CEP164: variants seen among roughly 807,000 people sequenced by gnomAD.
CEP164 encodes centrosomal protein 164, also known as centrosomal protein of 164 kDa.
Under a neutral mutation model 182.7 loss-of-function variants are expected in CEP164, and 162 were observed. The ratio of observed to expected loss-of-function variants is 0.89; its 90% confidence interval spans 0.78 to 1.01. The LOEUF (loss-of-function observed/expected upper bound fraction) is 1.01. CEP164 is among the 50% of genes least tolerant of loss of function. The pLI is 0.00. For synonymous variants in CEP164, 661 were observed against 690.0 expected (o/e 0.96, Z 0.66); for missense variants, 1,735 against 1,790.4 (o/e 0.97, Z 0.56).
At chr11:117,380,402 A>G (rs2043191335) in intron 11 of CEP164, among the ~76,000 whole-genome samples, 1 of 152,092 alleles carries the variant, frequency 6.6e-6, no homozygotes, top group Admixed American at 6.6e-5. Flanking sequence ...CCAGGCCTCA[A>G]GGCTGACCCA....
At chr11:117,396,517 C>CA (rs2045489334) in intron 25 of CEP164, 33 bp from the exon 26 acceptor site, 1 of 1,583,938 alleles carries the variant, frequency 6.3e-7, no homozygotes, top group African/African-American at 1.3e-5. Context: ...GCTTTTGCTA[C>CA]ACTCAGTGGA....
intron 4 of CEP164, among the ~76,000 whole-genome samples, chr11:117,350,466 A>G (rs887861426): frequency 6.6e-6 from 1 of 152,128 alleles, no homozygotes; most frequent in Non-Finnish European, 1.5e-5. Flanking sequence ...GTGAAGTAGC[A>G]TTTCATAATA....
At chr11:117,357,848 A>G (rs1177460037) in intron 5 of CEP164, among the ~76,000 whole-genome samples, 4 of 152,178 alleles carry the variant, frequency 2.6e-5, no homozygotes, top group African/African-American at 9.7e-5. Context: ...AGGCTTGTGT[A>G]GACCATATTT....
intron 14 of CEP164, among the ~76,000 whole-genome samples, chr11:117,384,257 G>C (rs2043683199): frequency 6.6e-6 from 1 of 152,218 alleles, no homozygotes; most frequent in East Asian, 1.9e-4. Flanking sequence ...TACTCACTGA[G>C]AGCTGGCAGG....
At chr11:117,356,423 G>A (rs1360028831) in intron 5 of CEP164, 3 of 1,237,596 alleles carry the variant, frequency 2.4e-6, no homozygotes, top group Non-Finnish European at 1.0e-6. Flanking sequence ...CATGGAGAGG[G>A]ACTCGAGGTT....
intron 27 of CEP164, among the ~76,000 whole-genome samples, chr11:117,398,482 C>G (rs1187568468): frequency 6.6e-6 from 1 of 152,228 alleles, no homozygotes; most frequent in African/African-American, 2.4e-5. Flanking sequence ...TGTGGGGGCT[C>G]TGACCCCACA....
rs1679319444 is a variant in CEP164, at chr11:117,347,048, C to T, written c.194+2771C>T. Among the ~76,000 whole-genome samples the T allele has an allele frequency of 2.0e-5, 3 of 152,206 alleles. No homozygotes were observed. In the South Asian group the frequency reaches 6.2e-4, roughly 32 times the overall value. Reference sequence around the variant, plus strand: ...ACAATGGTTTGGTTTTAAACATAAGCACTTTATTATATACACTGTTCTTCT... The same window carrying T: ...ACAATGGTTTGGTTTTAAACATAAGTACTTTATTATATACACTGTTCTTCT... On this transcript the variant is annotated intron_variant, in intron 4 of 32. Transcript: ENST00000278935.
At position 117,380,701 on chromosome 11, in the gene CEP164, G is replaced by A. The variant is rs1277054937; in HGVS notation, c.1405G>A (p.Glu469Lys). 1 of 1,602,324 alleles carries A rather than the reference G, an allele frequency of 6.2e-7. No individual in the cohort carries two copies. Among genetic ancestry groups the A allele is most frequent in the Non-Finnish European group, 8.5e-7 (1 of 1,174,666 alleles). The change falls in exon 12 of 33, where the codon GAG becomes AAG. Residue 469 changes from glutamate to lysine, a missense_variant. Coordinates refer to ENST00000278935, the MANE Select transcript of CEP164 (RefSeq NM_014956.5). ...LQSKQSKGLE[E>K]RLSPPLPHEE... ...GAGCAAGCAGTCCAAAGGCCTGGAGGAGAGGTACCATAGGTGGGAGGCTAT... is the reference window on the plus strand; with the variant it reads ...GAGCAAGCAGTCCAAAGGCCTGGAGAAGAGGTACCATAGGTGGGAGGCTAT...
At chr11:117,379,811 T>TG (rs1411283977) in intron 11 of CEP164, among the ~76,000 whole-genome samples, 2 of 150,352 alleles carry the variant, frequency 1.3e-5, no homozygotes. Context: ...CCCTCCAGGC[T>TG]GGGTGACAAA....
intron 1 of CEP164, among the ~76,000 whole-genome samples, chr11:117,330,328 C>T (rs975363375): frequency 3.3e-5 from 5 of 152,178 alleles, no homozygotes; most frequent in African/African-American, 7.2e-5. Flanking sequence ...AGCCCTAACA[C>T]GTCGCACAAT....
rs777251114 is a variant in CEP164, at chr11:117,333,928, G to T, written c.-97-1677G>T. ...CCAACTGTGCTGCTTCTTGCCTCGT[G>T]TTGCCTTCTGCTGAAGGACTTTTGC... On this transcript the variant is annotated intron_variant, in intron 1 of 32. Coordinates refer to ENST00000278935, the MANE Select transcript of CEP164 (RefSeq NM_014956.5). Among the ~76,000 whole-genome samples, 38 of 152,328 alleles carry T rather than the reference G, an allele frequency of 2.5e-4. No homozygotes were observed. The South Asian group carries it at 3.5e-3, about 14-fold the overall frequency.
intron 3 of CEP164, among the ~76,000 whole-genome samples, chr11:117,339,522 G>GT (rs61258101): frequency 3.1e-3 from 174 of 56,122 alleles, no homozygotes; most frequent in East Asian, 5.2e-3. Context: ...TTTGTTTTTT[G>GT]TTTTTTTTTT....
At chr11:117,351,649 A>G in intron 4 of CEP164, 141 bp from the exon 5 acceptor site, 2 of 702,914 alleles carry the variant, frequency 2.8e-6, no homozygotes, top group Non-Finnish European at 4.8e-6. Flanking sequence ...AACCCCTCTC[A>G]TTCCATCTTC....
intron 3 of CEP164, among the ~76,000 whole-genome samples, chr11:117,343,386 C>A (rs919643828): frequency 1.3e-5 from 2 of 152,194 alleles, no homozygotes; most frequent in African/African-American, 4.8e-5. Flanking sequence ...CACGTGTCAC[C>A]TGGGTTGTAC....
intron 8 of CEP164, among the ~76,000 whole-genome samples, chr11:117,365,340 A>G (rs1025453450): frequency 2.0e-5 from 3 of 152,194 alleles, no homozygotes; most frequent in African/African-American, 7.2e-5. Flanking sequence ...TGAATGAGCC[A>G]CCTCGGGACA....
chr11:117,392,381 C>CCT lies in CEP164; in HGVS notation c.2361+86_2361+87dup. 1.9e-6 allele frequency: 3 copies of CCT among 1,565,500 alleles called. No individual in the cohort carries two copies. In the South Asian group the frequency reaches 3.6e-5, roughly 19 times the overall value. On this transcript the variant is annotated intron_variant, in intron 18 of 32. Transcript: ENST00000278935. ...CCATCCCTGGCTACTAGGCAGCGAGCCTCTCTCTCCAGCCCTGGGGGATGG... is the reference window on the plus strand; with the variant it reads ...CCATCCCTGGCTACTAGGCAGCGAGCCTCTCTCTCTCCAGCCCTGGGGGATGG...
upstream of CEP164, among the ~76,000 whole-genome samples, chr11:117,323,280 A>C (rs524071): frequency 6.7e-6 from 1 of 149,570 alleles, no homozygotes. Context: ...TCTGGTAACC[A>C]CTGTTCTACT....
In CEP164 at chr11:117,390,979, A is replaced by G. The variant is rs1297971397; in HGVS notation, c.2067-20A>G. On this transcript the variant is annotated intron_variant, in intron 16 of 32. Transcript: ENST00000278935. ...CCCCAGGGTGCACAGGCCCGTTACCATTCCACTGTGTCCACCCAGGGCTGA... is the reference window on the plus strand; with the variant it reads ...CCCCAGGGTGCACAGGCCCGTTACCGTTCCACTGTGTCCACCCAGGGCTGA... The G allele has an allele frequency of 6.2e-7, 1 of 1,613,732 alleles. No individual in the cohort carries two copies. Among genetic ancestry groups the G allele is most frequent in the African/African-American group, 1.3e-5 (1 of 74,892 alleles).
At position 117,396,173 on chromosome 11, in the gene CEP164, T is replaced by C. The variant is rs1466884634; in HGVS notation, c.3209T>C (p.Leu1070Pro). Residue 1070 changes from leucine to proline, a missense_variant, in exon 25 of 33, where the codon CTT (leucine) becomes CCT (proline). Leu to Pro is a moderately conservative substitution (Grantham distance 98). Coordinates refer to ENST00000278935, the MANE Select transcript of CEP164 (RefSeq NM_014956.5). ...DLHIEDLRKSLGTNQTKEVSS... is the reference protein window; with the variant it reads ...DLHIEDLRKSPGTNQTKEVSS... Reference sequence around the variant, plus strand: ...CATATTGAGGACCTGAGGAAATCCCTTGGAACAGTGAGCTGGGGGCTGGGG... The same window carrying C: ...CATATTGAGGACCTGAGGAAATCCCCTGGAACAGTGAGCTGGGGGCTGGGG... The C allele has an allele frequency of 2.5e-6, 4 of 1,612,836 alleles. No homozygotes were observed. Among genetic ancestry groups the C allele is most frequent in the African/African-American group, 2.7e-5 (2 of 74,962 alleles).
Sources: gnomAD v4.1 joint callset for allele counts (sites outside exome capture counted in the v4.1 genomes callset) on GRCh38, gnomAD v4.1.1 for gene constraint, MANE v1.5 for transcripts, NCBI Gene and HGNC (gene_info 2026-07-23, HGNC 2026-07-21) for gene names.